Variants in HUWE1 observed in about 807,000 individuals in gnomAD.
HUWE1 encodes HECT, UBA and WWE domain containing E3 ubiquitin protein ligase 1.
Under a neutral mutation model 299.4 loss-of-function variants are expected in HUWE1, and 18 were observed. That is an observed-to-expected ratio of 0.06 (90% CI 0.04 to 0.09). The LOEUF (loss-of-function observed/expected upper bound fraction) is 0.09, where lower values mean the gene tolerates loss of function less well. Ranked by LOEUF, HUWE1 falls within the 10% of genes least tolerant of loss-of-function variation. HUWE1 has a pLI of 1.00. For missense variants in HUWE1, 1,832 were observed against 3,462.3 expected (o/e 0.53, Z 11.82); for synonymous variants, 1,317 against 1,286.1 (o/e 1.02, Z -0.51).
In HUWE1 at chrX:53,554,858, C is replaced by G; in HGVS notation, c.8269G>C (p.Glu2757Gln). Residue 2757 changes from glutamate (E) to glutamine (Q), a missense_variant, in exon 61 of 84, where the codon GAG becomes CAG. Around this residue, in one of 15 missense-constraint regions of HUWE1, gnomAD observed 143 missense variants for 148.1 expected, o/e 0.97. Transcript: ENST00000262854. ...TPSSTDAATS[E>Q]SKETLGTLQS... is the part of the protein sequence containing the mutation. ...AGAGTGCCAAGGGTCTCCTTGGACT[C>G]AGATGTAGCTGCATCAGTTGAAGAT... 1 of 1,204,777 alleles carries G rather than the reference C, an allele frequency of 8.3e-7. No homozygotes were observed. The highest frequency in any genetic ancestry group is 1.1e-6 in the Non-Finnish European group (1 of 891,067).
intron 5 of HUWE1, 111 bp downstream of exon 5, chrX:53,648,101 T>G (rs2068182470): frequency 1.8e-6 from 1 of 553,604 alleles, no homozygotes; most frequent in African/African-American, 2.3e-5. Flanking sequence ...TAGATGCTTA[T>G]TAATTGCTGA....
At chrX:53,618,335 G>GA (rs1315188774) in intron 19 of HUWE1, among the ~76,000 whole-genome samples, 10 of 104,351 alleles carry the variant, frequency 9.6e-5, no homozygotes, top group Admixed American at 2.1e-4. Context: ...ACTAGATACA[G>GA]AAAAAAAAAA....
intron 3 of HUWE1, among the ~76,000 whole-genome samples, chrX:53,655,424 A>G (rs1438969091): frequency 3.6e-5 from 4 of 112,255 alleles, no homozygotes; most frequent in African/African-American, 1.3e-4. Flanking sequence ...AATACGTTCT[A>G]AAACATTTCT....
chrX:53,644,863 T>G (rs1403853755), intron 7 of HUWE1, among the ~76,000 whole-genome samples: 1 of 111,914 alleles, frequency 8.9e-6, no homozygotes, highest in African/African-American at 3.2e-5. Flanking sequence ...TTACAATCAC[T>G]ACGACTTACT....
At chrX:53,663,251 G>A (rs1258943477) in intron 3 of HUWE1, among the ~76,000 whole-genome samples, 2 of 112,333 alleles carry the variant, frequency 1.8e-5, no homozygotes, top group South Asian at 3.7e-4. Context: ...AGTAGCTCAC[G>A]CCTGTAATCC....
chrX:53,632,760 C>T (rs2066955675), intron 8 of HUWE1, among the ~76,000 whole-genome samples, 196 bp from the exon 9 acceptor site: 1 of 112,214 alleles, frequency 8.9e-6, no homozygotes, highest in Admixed American at 9.4e-5. Flanking sequence ...ACTTTTCAAA[C>T]AGAATCAAAA....
chrX:53,656,800 C>T (rs2068769284), intron 3 of HUWE1, among the ~76,000 whole-genome samples: 1 of 110,739 alleles, frequency 9.0e-6, no homozygotes, highest in African/African-American at 3.3e-5. Flanking sequence ...ACTTTTAAGA[C>T]TTACTATATA....
At chrX:53,573,997 CACACTGGA>C (rs1306403843) in intron 46 of HUWE1, 33 bp from the exon 47 acceptor site, 14 of 1,103,320 alleles carry the variant, frequency 1.3e-5, no homozygotes, top group Non-Finnish European at 1.6e-5. Flanking sequence ...GGTTCAATTC[CACACTGGA>C]ACACTGGCAA....
intron 19 of HUWE1, among the ~76,000 whole-genome samples, chrX:53,618,288 A>G (rs1212926638): frequency 9.0e-6 from 1 of 111,339 alleles, no homozygotes; most frequent in Non-Finnish European, 1.9e-5. Flanking sequence ...TAGAAACAAG[A>G]GCAGTAATAT....
chrX:53,632,541 T>C lies in HUWE1; in HGVS notation c.591A>G (p.Thr197=). 3 of 1,201,647 alleles carry C rather than the reference T, an allele frequency of 2.5e-6. No homozygotes were observed. The highest frequency in any genetic ancestry group is 1.8e-5 in the South Asian group (1 of 56,767). ...HMMKYPPSAT[T]LHFEFYADPG... ...GATCTGCATAGAATTCAAAGTGTAGTGTAGTTGCACTGGGTGGATATTTCT... is the reference window on the plus strand; with the variant it reads ...GATCTGCATAGAATTCAAAGTGTAGCGTAGTTGCACTGGGTGGATATTTCT... Residue 197 remains threonine (T), a synonymous_variant, in exon 9 of 84, where the codon ACA becomes ACG. Coordinates refer to ENST00000262854, the MANE Select transcript of HUWE1 (RefSeq NM_031407.7).
chrX:53,565,209 A>G lies in HUWE1; in HGVS notation c.6738T>C (p.Ala2246=). 8.3e-7 allele frequency: 1 copy of G among 1,211,191 alleles called. No individual in the cohort carries two copies. The highest frequency in any genetic ancestry group is 3.0e-5 in the East Asian group (1 of 33,855). The stretch of plus-strand genomic sequence containing the variant: ...GGGAAAGTGTTTCCAAAGGCTTCAG[A>G]GCAGCATTGACTGTGTTGGCCATGT... The part of the protein sequence containing the change: ...SPNMANTVNA[A]LKPLETLSRI... The change falls in exon 50 of 84, where the codon GCT becomes GCC. Residue 2246 remains alanine (A), a synonymous_variant. Coordinates refer to ENST00000262854, the MANE Select transcript of HUWE1 (RefSeq NM_031407.7).
At chrX:53,549,941 T>C (rs186497321) in intron 66 of HUWE1, among the ~76,000 whole-genome samples, 61 of 110,383 alleles carry the variant, frequency 5.5e-4, no homozygotes, top group Non-Finnish European at 9.7e-4. Context: ...TTAGTAGAGA[T>C]TGGGTTTGCC....
In HUWE1 at chrX:53,648,239, C is replaced by T; in HGVS notation, c.117G>A (p.Gln39=). 2.5e-6 allele frequency: 3 copies of T among 1,202,997 alleles called. No homozygotes were observed. The highest frequency in any genetic ancestry group is 3.4e-6 in the Non-Finnish European group (3 of 887,578). The change falls in exon 5 of 84, where the codon CAG becomes CAA. Residue 39 remains glutamine, a synonymous_variant. Coordinates refer to ENST00000262854, the MANE Select transcript of HUWE1 (RefSeq NM_031407.7). ...TTCCAATGTTCCATGTTTTGATCTG[C>T]TGCAGTTCCAAGAGAAGTTGCTCAT... The part of the protein sequence containing the change: ...CNDEQLLLEL[Q]QIKTWNIGKC...
intron 3 of HUWE1, among the ~76,000 whole-genome samples, chrX:53,677,062 A>G (rs1204945183): frequency 1.9e-5 from 2 of 105,851 alleles, no homozygotes; most frequent in African/African-American, 6.9e-5. Flanking sequence ...AACATAATCA[A>G]TGTTGTGAAT....
chrX:53,601,958 C>T (rs2148623232), intron 28 of HUWE1, among the ~76,000 whole-genome samples: 1 of 110,898 alleles, frequency 9.0e-6, no homozygotes, highest in African/African-American at 3.3e-5. Context: ...CGTGAGCCAC[C>T]GAGCCCGGCC....
At position 53,586,460 on chromosome X, in the gene HUWE1, T is replaced by A. The variant is rs1397735804; in HGVS notation, c.4824+30A>T. On this transcript the variant is annotated intron_variant, in intron 39 of 83. Coordinates refer to ENST00000262854, the MANE Select transcript of HUWE1 (RefSeq NM_031407.7). ...ACTCTTGCCTCAGGAAGCTAAACCG[T>A]CCTGCAGTCATACATACTACATTAC... 3 of 1,046,891 alleles carry A rather than the reference T, an allele frequency of 2.9e-6. No homozygotes were observed. The African/African-American group carries it at 5.6e-5, about 19-fold the overall frequency. 86.3% of individuals were successfully genotyped at this position (1,046,891 alleles called of 1,213,427 possible). A position where few individuals can be genotyped will look rare whatever the true frequency, so the allele number is the denominator to read the frequency against.
intron 3 of HUWE1, among the ~76,000 whole-genome samples, chrX:53,655,721 G>A (rs1472575946): frequency 9.0e-6 from 1 of 111,133 alleles, no homozygotes; most frequent in Non-Finnish European, 1.9e-5. Context: ...CACTATTGTC[G>A]CTTCAGTCAT....
chrX:53,667,543 G>C (rs2069307925), intron 3 of HUWE1, among the ~76,000 whole-genome samples: 1 of 111,941 alleles, frequency 8.9e-6, no homozygotes, highest in South Asian at 3.7e-4. Flanking sequence ...AATATCGACT[G>C]AAAGTGGAAA....
intron 31 of HUWE1, 88 bp from the exon 32 acceptor site, chrX:53,593,689 A>C (rs1227346102): frequency 1.5e-6 from 1 of 653,437 alleles, no homozygotes; most frequent in African/African-American, 2.2e-5. Context: ...CAATCTCTAT[A>C]TTGGCCCTAC....
Sources: gnomAD v4.1 joint callset for allele counts (sites outside exome capture counted in the v4.1 genomes callset) on GRCh38, gnomAD v4.1.1 for gene constraint, gnomAD v4.1.1 regional missense constraint, MANE v1.5 for transcripts, NCBI Gene and HGNC (gene_info 2026-07-23, HGNC 2026-07-21) for gene names.